ITGAM: variants seen among roughly 807,000 people sequenced by gnomAD.
ITGAM encodes integrin subunit alpha M, also known as integrin alpha-M.
A neutral mutation model predicts 137.5 loss-of-function variants in ITGAM; 79 were observed. That is an observed-to-expected ratio of 0.57 (90% confidence interval 0.48 to 0.69). The LOEUF (loss-of-function observed/expected upper bound fraction) is 0.69. ITGAM is among the 30% of genes least tolerant of loss of function. ITGAM has a pLI of 0.00. For synonymous variants in ITGAM, 583 were observed against 592.3 expected, an observed-to-expected ratio of 0.98 and a Z score of 0.23; for missense variants, 1,343 against 1,483.5, an observed-to-expected ratio of 0.91 and a Z score of 1.56.
At chr16:31,280,886 C>T (rs1172309015) in intron 12 of ITGAM, among the ~76,000 whole-genome samples, 3 of 152,116 alleles carry the variant, frequency 2.0e-5, no homozygotes, top group Admixed American at 6.6e-5. Flanking sequence ...GTTTGAGATA[C>T]GTCCCATCAA....
At chr16:31,279,145 C>T (rs568315636) in intron 12 of ITGAM, among the ~76,000 whole-genome samples, 36 of 152,298 alleles carry the variant, frequency 2.4e-4, no homozygotes, top group African/African-American at 8.4e-4. Context: ...CGTTGATGGA[C>T]ATTTGGGTTG....
At chr16:31,321,019 T>C (rs115460952) in intron 14 of ITGAM, among the ~76,000 whole-genome samples, 128 of 152,132 alleles carry the variant, frequency 8.4e-4, no homozygotes, top group African/African-American at 2.9e-3. Context: ...ATTTTAAAAG[T>C]TTTTTTAAAA....
intron 14 of ITGAM, among the ~76,000 whole-genome samples, chr16:31,302,924 CTTTCTTTCTTTCT>C (rs1185849836): frequency 7.9e-5 from 1 of 12,640 alleles, no homozygotes; most frequent in African/African-American, 3.0e-4. Context: ...CTCCCTCTTT[CTTTCTTTCTTTCT>C]TTCTTTCTTT....
At chr16:31,315,330 C>T (rs1229609385) in intron 14 of ITGAM, among the ~76,000 whole-genome samples, 1 of 152,062 alleles carries the variant, frequency 6.6e-6, no homozygotes, top group Non-Finnish European at 1.5e-5. Context: ...CTTGTGCTTT[C>T]AGGATCATAT....
At chr16:31,276,539 C>G (rs1292825306) in intron 9 of ITGAM, 132 bp from the exon 10 acceptor site, 28 of 644,436 alleles carry the variant, frequency 4.3e-5, no homozygotes, top group Non-Finnish European at 6.9e-5. Flanking sequence ...ACCATGTTCA[C>G]CAGACTGGTC....
chr16:31,310,371 T>A (rs1419514123), intron 14 of ITGAM, among the ~76,000 whole-genome samples: 1 of 152,168 alleles, frequency 6.6e-6, no homozygotes, highest in Non-Finnish European at 1.5e-5. Context: ...TAGTCCCATA[T>A]TTCTTGGAGG....
intron 12 of ITGAM, among the ~76,000 whole-genome samples, chr16:31,283,539 G>A (rs1167002964): frequency 2.0e-5 from 3 of 152,082 alleles, no homozygotes; most frequent in Non-Finnish European, 2.9e-5. Flanking sequence ...CATGCATCAC[G>A]TAATTCTCAT....
chr16:31,280,275 A>T (rs2079954316), intron 12 of ITGAM, among the ~76,000 whole-genome samples: 1 of 152,208 alleles, frequency 6.6e-6, no homozygotes, highest in South Asian at 2.1e-4. Flanking sequence ...TCTGTGAAGA[A>T]AGTCATTGGT....
At position 31,268,528 on chromosome 16, in the gene ITGAM, G is replaced by A. The variant is rs116142411; in HGVS notation, c.427+2381G>A. 8.6e-3 allele frequency among the ~76,000 whole-genome samples: 1,302 copies of A among 152,126 alleles called. 29 individuals carry two copies. The highest frequency in any genetic ancestry group is 0.03 in the African/African-American group (1,239 of 41,502). ...AATGCAATTAGCCAGGCATGGTGGCGTGTGCCTGTGGTCTTAGCTATTCAG... is the reference window on the plus strand; with the variant it reads ...AATGCAATTAGCCAGGCATGGTGGCATGTGCCTGTGGTCTTAGCTATTCAG... On this transcript the variant is annotated intron_variant, in intron 5 of 29. Coordinates refer to ENST00000544665, the MANE Select transcript of ITGAM (RefSeq NM_000632.4).
chr16:31,277,716 C>G (rs773385996), intron 11 of ITGAM, among the ~76,000 whole-genome samples: 10 of 152,252 alleles, frequency 6.6e-5, no homozygotes, highest in Non-Finnish European at 1.2e-4. Flanking sequence ...TCGTCTGGAA[C>G]TCCTGACCTC....
At chr16:31,268,768 C>T (rs182583470) in intron 5 of ITGAM, among the ~76,000 whole-genome samples, 9 of 152,302 alleles carry the variant, frequency 5.9e-5, no homozygotes, top group East Asian at 1.9e-4. Context: ...CCGTCACATA[C>T]GTTTGTCCCT....
intron 22 of ITGAM, among the ~76,000 whole-genome samples, chr16:31,327,619 T>TAATAATAATAATAAA (rs1469921279): frequency 6.7e-6 from 1 of 149,418 alleles, no homozygotes; most frequent in African/African-American, 2.5e-5. Flanking sequence ...ATAATAATAA[T>TAATAATAATAATAAA]AAAAAATAAA....
At chr16:31,267,404 C>G (rs2079781692) in intron 5 of ITGAM, among the ~76,000 whole-genome samples, 1 of 152,118 alleles carries the variant, frequency 6.6e-6, no homozygotes, top group Non-Finnish European at 1.5e-5. Flanking sequence ...ACTCCCTCCA[C>G]TTTCCCCTTC....
chr16:31,322,963 A>G (rs2080465385), intron 16 of ITGAM, among the ~76,000 whole-genome samples: 4 of 152,152 alleles, frequency 2.6e-5, no homozygotes, highest in African/African-American at 9.7e-5. Context: ...AAAACACCAT[A>G]AGAGATGTGT....
rs2144513962 is a variant in ITGAM, at chr16:31,331,682, G to GT, written c.3435dup (p.Pro1146SerfsTer155). Reference sequence around the variant, plus strand: ...TACAAGGACATGATGAGTGAAGGGGGTCCCCCGGGGGCCGAACCCCAGTAG... The same window carrying GT: ...TACAAGGACATGATGAGTGAAGGGGGTTCCCCCGGGGGCCGAACCCCAGTAG... On this transcript the variant is annotated frameshift_variant, in exon 30 of 30. Coordinates refer to ENST00000544665, the MANE Select transcript of ITGAM (RefSeq NM_000632.4). LOFTEE classifies it high-confidence loss of function. 1 of 1,609,250 alleles carries GT rather than the reference G, an allele frequency of 6.2e-7. No individual in the cohort carries two copies. The highest frequency in any genetic ancestry group is 8.5e-7 in the Non-Finnish European group (1 of 1,178,100).
intron 5 of ITGAM, among the ~76,000 whole-genome samples, chr16:31,269,022 T>A (rs1373494330): frequency 6.6e-6 from 1 of 152,042 alleles, no homozygotes. Context: ...TTATTATCAC[T>A]CGAATCAGTC....
chr16:31,309,550 G>T (rs1286011051), intron 14 of ITGAM, among the ~76,000 whole-genome samples: 3 of 151,444 alleles, frequency 2.0e-5, no homozygotes, highest in African/African-American at 7.3e-5. Context: ...GTGTGTCTCT[G>T]CACTTGAGAT....
intron 29 of ITGAM, 75 bp downstream of exon 29, chr16:31,331,350 C>G (rs749843096): frequency 1.1e-6 from 1 of 884,498 alleles, no homozygotes; most frequent in Non-Finnish European, 1.8e-6. Flanking sequence ...CCTCGGTTTC[C>G]CCGGCGGGGC....
In ITGAM at chr16:31,273,527, T is replaced by G; in HGVS notation, c.858+9T>G. ...TTCGCTACGTCATTGGGGTAGGGAA[T>G]GCAGCTCTCAGGTTGATGCTTCTGT... On this transcript the variant is annotated intron_variant, in intron 8 of 29. Transcript: ENST00000544665. 3 of 1,613,250 alleles carry G rather than the reference T, an allele frequency of 1.9e-6. No homozygotes were observed. Among genetic ancestry groups the G allele is most frequent in the Non-Finnish European group, 2.5e-6 (3 of 1,179,420 alleles).
Sources: allele counts gnomAD v4.1 joint callset (sites outside exome capture counted in the v4.1 genomes callset), GRCh38; gene constraint gnomAD v4.1.1; transcripts MANE v1.5; gene names NCBI Gene and HGNC (gene_info 2026-07-23, HGNC 2026-07-21).